Variants in SUOX observed in about 807,000 individuals in gnomAD.
SUOX encodes the protein sulfite oxidase, mitochondrial.
In SUOX, 39 loss-of-function variants were observed where a neutral mutation model predicts 41.9. The ratio of observed to expected loss-of-function variants is 0.93; its 90% confidence interval spans 0.72 to 1.21. The LOEUF is 1.21. Among genes scored for constraint, SUOX ranks in the 50% most tolerant of loss-of-function variants. The pLI, the probability that SUOX is intolerant of heterozygous loss-of-function variation, is 0.00. For synonymous variants in SUOX, 220 were observed against 268.4 expected (o/e 0.82, Z 1.76); for missense variants, 633 against 689.5 (o/e 0.92, Z 0.92).
chr12:56,000,350 G>A (rs949018987), intron 2 of SUOX, among the ~76,000 whole-genome samples: 3 of 152,220 alleles, frequency 2.0e-5, no homozygotes, highest in Admixed American at 6.5e-5. Flanking sequence ...CGGCACTGCT[G>A]GGGGACCCAG....
Position 56,002,610 on chromosome 12 carries a change from C to T in SUOX, c.118C>T (p.Arg40Cys), listed in dbSNP as rs759168970. ...CSTNDSFQPQ[R>C]PSLTFSGDNS... The stretch of plus-strand genomic sequence containing the variant: ...CACAAATGATTCATTTCAGCCCCAG[C>T]GCCCCAGCCTCACCTTCTCTGGTGA... The change falls in exon 4 of 5, where the codon CGC becomes TGC. Residue 40 changes from arginine to cysteine, a missense_variant. Physicochemically the swap from Arg to Cys is radical, Grantham distance 180. Transcript: ENST00000266971. 35 of 1,613,962 alleles carry T rather than the reference C, an allele frequency of 2.2e-5. No homozygotes were observed. The Admixed American group carries it at 2.5e-4, about 12-fold the overall frequency.
chr12:56,003,527 C>CTGGGATTACAGTTG (rs2136510814), intron 4 of SUOX, 91 bp from the exon 5 acceptor site: 1 of 1,301,066 alleles, frequency 7.7e-7, no homozygotes, highest in East Asian at 2.3e-5. Flanking sequence ...TCCCAAAGTG[C>CTGGGATTACAGTTG]TGGGATTACA....
chr12:56,002,598 T>C lies in SUOX; in HGVS notation c.106T>C (p.Phe36Leu). ...TCAGGCCTGCTCCACAAATGATTCA[T>C]TTCAGCCCCAGCGCCCCAGCCTCAC... ...CIQACSTNDS[F>L]QPQRPSLTFS... Residue 36 changes from phenylalanine to leucine, a missense_variant, in exon 4 of 5, where the codon TTT becomes CTT. By Grantham distance (22) the Phe-to-Leu change is conservative (BLOSUM62 0). Transcript: ENST00000266971. 1.2e-6 allele frequency: 2 copies of C among 1,614,032 alleles called. No homozygotes were observed. Among genetic ancestry groups the C allele is most frequent in the African/African-American group, 1.3e-5 (1 of 74,998 alleles).
At chr12:56,000,883 T>A (rs139750030) in intron 2 of SUOX, among the ~76,000 whole-genome samples, 11,327 of 151,646 alleles carry the variant, frequency 0.075, 1,413 homozygotes, top group African/African-American at 0.26. Flanking sequence ...GCCTCCTGGG[T>A]TCACGCCATT....
Position 56,005,288 on chromosome 12 carries a change from A to C in SUOX, c.*261A>C. The C allele has an allele frequency of 1.7e-6, 1 of 596,406 alleles. No individual in the cohort carries two copies. Among genetic ancestry groups the C allele is most frequent in the Non-Finnish European group, 3.0e-6 (1 of 334,804 alleles). The allele number at this position is 596,406 out of a possible 1,614,324, so 36.9% of individuals were successfully genotyped here. On this transcript the variant is annotated 3_prime_UTR_variant, in exon 5 of 5. Coordinates refer to ENST00000266971, the MANE Select transcript of SUOX (RefSeq NM_001032386.2). ...AAGTGAAAAAAGTAATTCTGGAGAC[A>C]AGCACTATTTTCTCTTCCTACCCCA...
rs967373309 is a variant in SUOX, at chr12:55,999,680, C to A, written c.-11+1957C>A. On this transcript the variant is annotated intron_variant, in intron 2 of 4. Transcript: ENST00000266971. ...AAAGAGGGAAAGAACAAAGCTTCCA[C>A]CGTGTGGAAAGGGACCCAAGCGGGT... is the stretch of plus-strand genomic sequence containing the variant. 6 of 152,266 alleles carry A rather than the reference C, an allele frequency of 3.9e-5. No homozygotes were observed. The East Asian group carries it at 1.2e-3, about 29-fold the overall frequency. 9.4% of individuals were successfully genotyped at this position (152,266 alleles called of 1,614,324 possible). A position where few individuals can be genotyped will look rare whatever the true frequency, so the allele number is the denominator to read the frequency against.
At position 56,003,797 on chromosome 12, in the gene SUOX, C is replaced by T; in HGVS notation, c.408C>T (p.Phe136=). Residue 136 remains phenylalanine (F), a synonymous_variant, in exon 5 of 5, where the codon TTC becomes TTT. Coordinates refer to ENST00000266971, the MANE Select transcript of SUOX (RefSeq NM_001032386.2). ...CAGCTGGGGGTCCCCTAGAGCCCTTCTGGGCCCTCTATGCTGTTCACAACC... is the reference window on the plus strand; with the variant it reads ...CAGCTGGGGGTCCCCTAGAGCCCTTTTGGGCCCTCTATGCTGTTCACAACC... The part of the protein sequence containing the change: ...MLAAGGPLEP[F]WALYAVHNQS... 6.2e-7 allele frequency: 1 copy of T among 1,614,024 alleles called. No individual in the cohort carries two copies.
At chr12:56,003,535 A>T in intron 4 of SUOX, 83 bp from the exon 5 acceptor site, 1 of 1,367,208 alleles carries the variant, frequency 7.3e-7, no homozygotes, top group Non-Finnish European at 1.0e-6. Flanking sequence ...TGCTGGGATT[A>T]CAGTTGTGAG....
rs925882847 is a variant in SUOX at position 56,005,474 on chromosome 12, G to A, written c.*447G>A. 4 of 430,980 alleles carry A rather than the reference G, an allele frequency of 9.3e-6. No individual in the cohort carries two copies. The highest frequency in any genetic ancestry group is 5.8e-5 in the South Asian group (1 of 17,170). The allele number at this position is 430,980 out of a possible 1,614,324, so 26.7% of individuals were successfully genotyped here. On this transcript the variant is annotated 3_prime_UTR_variant, in exon 5 of 5. Coordinates refer to ENST00000266971, the MANE Select transcript of SUOX (RefSeq NM_001032386.2). ...TGCGAGGAGAGCAAGGGGCACAACC[G>A]TCTCCCTTTATAGTTCTACTTTTCT...
chr12:56,001,835 G>A (rs1026033758), intron 2 of SUOX: 50 of 911,180 alleles, frequency 5.5e-5, no homozygotes, highest in Non-Finnish European at 6.9e-5. Flanking sequence ...GTCCTCTGCT[G>A]ACTTCAGAAA....
At position 56,002,216 on chromosome 12, in the gene SUOX, G is replaced by T; in HGVS notation, c.-6G>T. On this transcript the variant is annotated 5_prime_UTR_variant, in exon 3 of 5. Coordinates refer to ENST00000266971, the MANE Select transcript of SUOX (RefSeq NM_001032386.2). The stretch of plus-strand genomic sequence containing the variant: ...CCCAGAATCTTCCTTCTACAGGTCT[G>T]CTACAATGCTGCTGCTGCACAGAGC... 6.2e-7 allele frequency: 1 copy of T among 1,613,106 alleles called. No homozygotes were observed. Among genetic ancestry groups the T allele is most frequent in the Non-Finnish European group, 8.5e-7 (1 of 1,180,018 alleles).
At position 56,003,657 on chromosome 12, in the gene SUOX, G is replaced by A. The variant is rs1447551871; in HGVS notation, c.268G>A (p.Val90Met). The A allele has an allele frequency of 3.1e-6, 5 of 1,614,154 alleles. No homozygotes were observed. The South Asian group carries it at 4.4e-5, about 14-fold the overall frequency. The change falls in exon 5 of 5, where the codon GTG becomes ATG. Residue 90 changes from valine to methionine, a missense_variant. Physicochemically the swap from Val to Met is conservative, Grantham distance 21 (BLOSUM62 1). Coordinates refer to ENST00000266971, the MANE Select transcript of SUOX (RefSeq NM_001032386.2). ...ESTHIYTKEE[V>M]SSHTSPETGI... Reference sequence around the variant, plus strand: ...AACACACATATACACTAAGGAGGAAGTGAGTTCCCACACCAGCCCTGAGAC... The same window carrying A: ...AACACACATATACACTAAGGAGGAAATGAGTTCCCACACCAGCCCTGAGAC...
chr12:55,999,096 G>A (rs1283170385), intron 2 of SUOX, among the ~76,000 whole-genome samples: 1 of 151,804 alleles, frequency 6.6e-6, no homozygotes, highest in African/African-American at 2.4e-5. Flanking sequence ...TTATAGGCAT[G>A]AGCCACCATG....
At chr12:56,001,912 A>T (rs993230683) in intron 2 of SUOX, 1 of 1,278,552 alleles carries the variant, frequency 7.8e-7, no homozygotes, top group Non-Finnish European at 1.0e-6. Flanking sequence ...ATCGTTCTCT[A>T]TGGTGGACAA....
At chr12:56,001,832 G>A in intron 2 of SUOX, 1 of 881,042 alleles carries the variant, frequency 1.1e-6, no homozygotes, top group Non-Finnish European at 1.4e-6. Context: ...GTTGTCCTCT[G>A]CTGACTTCAG....
chr12:56,000,989 G>T (rs1279971924), intron 2 of SUOX, among the ~76,000 whole-genome samples: 1 of 151,798 alleles, frequency 6.6e-6, no homozygotes, highest in Non-Finnish European at 1.5e-5. Context: ...GTTTCGCCGC[G>T]TTAGCCAGGA....
At chr12:55,997,792 C>T (rs930056453) in intron 2 of SUOX, 69 bp downstream of exon 2, 1 of 152,312 alleles carries the variant, frequency 6.6e-6, no homozygotes, top group African/African-American at 2.4e-5. Context: ...ATTCCCATCT[C>T]TAGGTTTCCT....
rs764070701 is a variant in SUOX at position 56,005,364 on chromosome 12, T to C, written c.*337T>C. 1.0e-5 allele frequency: 6 copies of C among 586,524 alleles called. No homozygotes were observed. Among genetic ancestry groups the C allele is most frequent in the African/African-American group, 1.9e-5 (1 of 53,884 alleles). 36.3% of individuals were successfully genotyped at this position (586,524 alleles called of 1,614,324 possible). A position where few individuals can be genotyped will look rare whatever the true frequency, so the allele number is the denominator to read the frequency against. ...TCAAGGCCTTGTTTTGCTTTTCTTT[T>C]TGGATTGTTCAGAGAAATGTGTGTG... On this transcript the variant is annotated 3_prime_UTR_variant, in exon 5 of 5. Coordinates refer to ENST00000266971, the MANE Select transcript of SUOX (RefSeq NM_001032386.2).
At chr12:56,001,322 C>G (rs1890519456) in intron 2 of SUOX, 1 of 150,226 alleles carries the variant, frequency 6.7e-6, no homozygotes, top group African/African-American at 2.5e-5. Context: ...CAGGTTTTCC[C>G]CATTTTGGCC....
Sources: gnomAD v4.1 joint callset for allele counts (sites outside exome capture counted in the v4.1 genomes callset) on GRCh38, gnomAD v4.1.1 for gene constraint, MANE v1.5 for transcripts, NCBI Gene and HGNC (gene_info 2026-07-23, HGNC 2026-07-21) for gene names.